The following TRAF3IP1 variants were observed in gnomAD, a reference collection of about 807,000 sequenced individuals.
TRAF3IP1 encodes intraflagellar transport 54.
In TRAF3IP1, 53 loss-of-function variants were observed where a neutral mutation model predicts 89.9. That is an observed-to-expected ratio of 0.59 (90% CI 0.47 to 0.74). TRAF3IP1 has a LOEUF of 0.74. Ranked by LOEUF, TRAF3IP1 falls within the 30% of genes least tolerant of loss-of-function variation. TRAF3IP1 has a pLI of 0.00. For synonymous variants in TRAF3IP1, 311 were observed against 322.1 expected, an observed-to-expected ratio of 0.97 and a Z score of 0.37; for missense variants, 806 against 866.1, an observed-to-expected ratio of 0.93 and a Z score of 0.87.
chr2:238,324,824 G>C (rs1031930512), intron 1 of TRAF3IP1, among the ~76,000 whole-genome samples: 2 of 151,802 alleles, frequency 1.3e-5, no homozygotes, highest in Admixed American at 1.3e-4. Context: ...GGATGGTCTC[G>C]ATCTTCTGAC....
At chr2:238,354,347 G>T (rs767349025) in intron 14 of TRAF3IP1, among the ~76,000 whole-genome samples, 18 of 152,172 alleles carry the variant, frequency 1.2e-4, no homozygotes, top group Non-Finnish European at 2.2e-4. Flanking sequence ...TTGTTTCCAG[G>T]CATTTTCACT....
chr2:238,386,112 G>A (rs918349174), intron 15 of TRAF3IP1, among the ~76,000 whole-genome samples: 4 of 152,232 alleles, frequency 2.6e-5, no homozygotes, highest in East Asian at 1.9e-4. Flanking sequence ...GAAAGGTTAC[G>A]TATTGTCTTG....
In TRAF3IP1 at chr2:238,329,156, C is replaced by T. The variant is rs371436368; in HGVS notation, c.729C>T (p.Ser243=). Residue 243 remains serine, a synonymous_variant, in exon 5 of 17, where the codon TCC becomes TCT. Transcript: ENST00000373327. The part of the protein sequence containing the change: ...DRGNRERDRD[S]ERKKETERKS... ...GCAACAGGGAGCGGGACAGAGACTC[C>T]GAGCGCAAGAAGGAGACAGAGAGAA... is the stretch of plus-strand genomic sequence containing the variant. The T allele has an allele frequency of 5.2e-5, 80 of 1,549,742 alleles. No homozygotes were observed. Among genetic ancestry groups the T allele is most frequent in the South Asian group, 3.2e-4 (27 of 83,606 alleles).
intron 15 of TRAF3IP1, among the ~76,000 whole-genome samples, chr2:238,384,705 C>T (rs1424100737): frequency 6.6e-6 from 1 of 151,854 alleles, no homozygotes; most frequent in Admixed American, 6.6e-5. Flanking sequence ...AAAAGGATTA[C>T]AGAATCCTAA....
rs1180771902 is a variant in TRAF3IP1, at chr2:238,351,528, G to A, written c.1452-1299G>A. ...TGGAGAGCAAGGCGGGACAGAGAGG[G>A]CCTGCCGATCACGGCAGGCACAGGG... On this transcript the variant is annotated intron_variant, in intron 12 of 16. Coordinates refer to ENST00000373327, the MANE Select transcript of TRAF3IP1 (RefSeq NM_015650.4). The surrounding 1 kb of genome is among the most constrained non-coding windows in gnomAD (Gnocchi z 5.2). Among the ~76,000 whole-genome samples, 1 of 152,114 alleles carries A rather than the reference G, an allele frequency of 6.6e-6. No homozygotes were observed. The highest frequency in any genetic ancestry group is 1.5e-5 in the Non-Finnish European group (1 of 68,006).
intron 15 of TRAF3IP1, among the ~76,000 whole-genome samples, chr2:238,378,381 G>C (rs1700408479): frequency 6.6e-6 from 1 of 152,238 alleles, no homozygotes; most frequent in South Asian, 2.1e-4. Context: ...GCTAGGCACT[G>C]TTCTCGGCAT....
At chr2:238,359,558 A>G (rs1699572755) in intron 15 of TRAF3IP1, among the ~76,000 whole-genome samples, 1 of 151,628 alleles carries the variant, frequency 6.6e-6, no homozygotes, top group Non-Finnish European at 1.5e-5. Flanking sequence ...TCTATAGTTT[A>G]TTTGTTTTTA....
chr2:238,384,378 A>ATGTG (rs1384108548), intron 15 of TRAF3IP1, among the ~76,000 whole-genome samples: 1 of 85,972 alleles, frequency 1.2e-5, no homozygotes, highest in Non-Finnish European at 2.7e-5. Flanking sequence ...GTATGTATGT[A>ATGTG]TGTATATATA....
At chr2:238,360,811 C>T (rs1260521658) in intron 15 of TRAF3IP1, among the ~76,000 whole-genome samples, 16 of 152,084 alleles carry the variant, frequency 1.1e-4, no homozygotes, top group African/African-American at 3.1e-4. Context: ...ACCTGGGAGG[C>T]GGAGGTTGCA....
intron 14 of TRAF3IP1, 49 bp downstream of exon 14, chr2:238,353,258 T>C (rs756273907): frequency 6.2e-7 from 1 of 1,602,748 alleles, no homozygotes; most frequent in Non-Finnish European, 8.5e-7. Context: ...TGTGTGCTCA[T>C]GCACCTTCTC....
chr2:238,329,335 A>G lies in TRAF3IP1; in HGVS notation c.908A>G (p.Glu303Gly), dbSNP rs768143716. Residue 303 changes from glutamate to glycine, a missense_variant, in exon 5 of 17, where the codon GAG becomes GGG. Around this residue, in one of 3 missense-constraint regions of TRAF3IP1, gnomAD observed 732 missense variants for 780.5 expected, o/e 0.94. Transcript: ENST00000373327. ...AAGAACAGAGAGCATGACAAACCTG[A>G]GAAAAAGGTAAAGTCTTGCTGAGAA... ...REKNREHDKP[E>G]KKSASSGEMS... The G allele has an allele frequency of 1.3e-5, 18 of 1,358,262 alleles. No homozygotes were observed. In the African/African-American group the frequency reaches 2.7e-4, roughly 20 times the overall value. 84.1% of individuals were successfully genotyped at this position (1,358,262 alleles called of 1,614,324 possible).
Position 238,355,861 on chromosome 2 carries a change from C to A in TRAF3IP1, c.1613-143C>A, listed in dbSNP as rs1574933490. ...TCACTCTTGTGTACTATCTCCTTAA[C>A]AAATAAAGATTATTTGAAACTGTTT... On this transcript the variant is annotated intron_variant, in intron 14 of 16. Transcript: ENST00000373327. 1.7e-5 allele frequency: 11 copies of A among 665,634 alleles called. No individual in the cohort carries two copies. The East Asian group carries it at 3.0e-4, about 18-fold the overall frequency. 41.2% of individuals were successfully genotyped at this position (665,634 alleles called of 1,614,324 possible). A position where few individuals can be genotyped will look rare whatever the true frequency, so the allele number is the denominator to read the frequency against.
chr2:238,382,109 C>A (rs1028137069), intron 15 of TRAF3IP1, among the ~76,000 whole-genome samples: 1 of 152,066 alleles, frequency 6.6e-6, no homozygotes, highest in African/African-American at 2.4e-5. Context: ...GAGGAAACAC[C>A]AAAGCCATGG....
intron 2 of TRAF3IP1, 24 bp from the exon 3 acceptor site, chr2:238,325,785 G>A (rs902438932): frequency 6.2e-7 from 1 of 1,601,514 alleles, no homozygotes; most frequent in Non-Finnish European, 8.5e-7. Flanking sequence ...TGTAATATTT[G>A]TATTTTCAAT....
At chr2:238,336,208 C>T (rs1166233332) in intron 7 of TRAF3IP1, among the ~76,000 whole-genome samples, 1 of 152,164 alleles carries the variant, frequency 6.6e-6, no homozygotes, top group Non-Finnish European at 1.5e-5. Flanking sequence ...TCTGTGTTTA[C>T]TGGTGAGCTT....
intron 15 of TRAF3IP1, among the ~76,000 whole-genome samples, chr2:238,364,068 CT>C (rs1292658442): frequency 6.6e-6 from 1 of 152,194 alleles, no homozygotes; most frequent in Non-Finnish European, 1.5e-5. Flanking sequence ...TATTTTCTCT[CT>C]GTCTCATTAA....
At chr2:238,321,336 C>T (rs1476089379) in intron 1 of TRAF3IP1, among the ~76,000 whole-genome samples, 1 of 152,252 alleles carries the variant, frequency 6.6e-6, no homozygotes. Context: ...GGAAGGCACT[C>T]CCTAAATCCT....
chr2:238,351,692 C>T lies in TRAF3IP1; in HGVS notation c.1452-1135C>T, dbSNP rs1699159692. 6.6e-6 allele frequency among the ~76,000 whole-genome samples: 1 copy of T among 152,072 alleles called. No individual in the cohort carries two copies. Among genetic ancestry groups the T allele is most frequent in the Non-Finnish European group, 1.5e-5 (1 of 68,008 alleles). On this transcript the variant is annotated intron_variant, in intron 12 of 16. Transcript: ENST00000373327. The surrounding 1 kb of genome is among the most constrained non-coding windows in gnomAD (Gnocchi z 5.2). The stretch of plus-strand genomic sequence containing the variant: ...TGAGGTTGGTCCTGGCGGAGCCACA[C>T]AGGTGGTTGTTGAGTGTCTCAAGGA...
chr2:238,343,210 C>T (rs537634153), intron 8 of TRAF3IP1, among the ~76,000 whole-genome samples: 23 of 152,142 alleles, frequency 1.5e-4, no homozygotes, highest in South Asian at 1.5e-3. Flanking sequence ...CTTAGCCTCC[C>T]GAGTGGCTGG....
Sources: gnomAD v4.1 joint callset for allele counts (sites outside exome capture counted in the v4.1 genomes callset) on GRCh38, gnomAD v4.1.1 for gene constraint, gnomAD v4.1.1 regional missense constraint, Gnocchi (gnomAD v3.1) non-coding constraint, MANE v1.5 for transcripts, NCBI Gene and HGNC (gene_info 2026-07-23, HGNC 2026-07-21) for gene names.